Variants in RIC1 observed in about 807,000 individuals in gnomAD.
RIC1 encodes guanine nucleotide exchange factor subunit RIC1.
In RIC1, 88 loss-of-function variants were observed where a neutral mutation model predicts 169.0. The ratio of observed to expected loss-of-function variants is 0.52; its 90% CI spans 0.44 to 0.62. The LOEUF is 0.62. Among genes scored for constraint, RIC1 ranks in the 20% least tolerant of loss-of-function variants. The probability of loss-of-function intolerance (pLI) is 0.00; values close to 1 mark genes in which losing one functional copy is unlikely to be tolerated. For missense variants in RIC1, 1,877 were observed against 1,725.5 expected, an observed-to-expected ratio of 1.09 and a Z score of -1.56; for synonymous variants, 790 against 601.5, an observed-to-expected ratio of 1.31 and a Z score of -4.59.
At chr9:5,707,047 C>T (rs1822634171) in intron 3 of RIC1, among the ~76,000 whole-genome samples, 1 of 152,118 alleles carries the variant, frequency 6.6e-6, no homozygotes, top group Admixed American at 6.5e-5. Flanking sequence ...ATAAATTTCT[C>T]TCTGAGGACT....
intron 4 of RIC1, 142 bp from the exon 5 acceptor site, chr9:5,720,036 CATAG>C (rs1215803617): frequency 1.0e-5 from 6 of 571,482 alleles, no homozygotes; most frequent in South Asian, 5.6e-5. Flanking sequence ...TTGAAATATA[CATAG>C]ATAAAGTTGC....
chr9:5,634,281 C>G (rs1170977406), intron 1 of RIC1, among the ~76,000 whole-genome samples: 1 of 152,096 alleles, frequency 6.6e-6, no homozygotes, highest in African/African-American at 2.4e-5. Flanking sequence ...ATGTGGTAGT[C>G]CTGTTTTTAG....
chr9:5,681,901 A>T (rs938658523), intron 2 of RIC1, among the ~76,000 whole-genome samples: 2 of 152,054 alleles, frequency 1.3e-5, no homozygotes, highest in African/African-American at 4.8e-5. Flanking sequence ...TGATCCCTTT[A>T]CCATTATGTA....
At chr9:5,648,636 A>G (rs1389631580) in intron 1 of RIC1, among the ~76,000 whole-genome samples, 1 of 152,180 alleles carries the variant, frequency 6.6e-6, no homozygotes, top group Non-Finnish European at 1.5e-5. Context: ...TTATATTTCC[A>G]CCACAGGAGT....
At chr9:5,744,943 T>G (rs957010963) in intron 10 of RIC1, among the ~76,000 whole-genome samples, 10 of 152,202 alleles carry the variant, frequency 6.6e-5, no homozygotes, top group Admixed American at 2.0e-4. Context: ...GAAGACATTC[T>G]TCTGATCTTG....
Position 5,774,468 on chromosome 9 carries a change from A to C in RIC1, c.*222A>C. On this transcript the variant is annotated 3_prime_UTR_variant, in exon 26 of 26. Coordinates refer to ENST00000414202, the MANE Select transcript of RIC1 (RefSeq NM_020829.4). The stretch of plus-strand genomic sequence containing the variant: ...TAAAAAAATTTTAAGCTGCAGTGAA[A>C]AGTAAATATTGTACAGATGTACATG... The C allele has an allele frequency of 2.3e-6, 1 of 428,764 alleles. No individual in the cohort carries two copies. The highest frequency in any genetic ancestry group is 2.0e-5 in the African/African-American group (1 of 51,138). 26.6% of individuals were successfully genotyped at this position (428,764 alleles called of 1,614,324 possible).
intron 1 of RIC1, among the ~76,000 whole-genome samples, chr9:5,652,671 A>C (rs923060044): frequency 6.8e-6 from 1 of 147,160 alleles, no homozygotes; most frequent in Non-Finnish European, 1.5e-5. Flanking sequence ...TCTCCTTTCC[A>C]ATTAATTTGG....
At position 5,763,213 on chromosome 9, in the gene RIC1, A is replaced by G. The variant is rs1338698364; in HGVS notation, c.2186A>G (p.Gln729Arg). ...TGGACAACGTGTCGAGCAAATAAAC[A>G]GAAACGTCACCTTCTGGAGGCCCTC... ...NVWTTCRANK[Q>R]KRHLLEALWL... is the part of the protein sequence containing the mutation. Residue 729 changes from glutamine (Q) to arginine (R), a missense_variant, in exon 19 of 26, where the codon CAG (glutamine) becomes CGG (arginine). Gln to Arg is a conservative substitution (Grantham distance 43). Around this residue, in one of 3 missense-constraint regions of RIC1, gnomAD observed 1,104 missense variants for 992.0 expected, o/e 1.11. Coordinates refer to ENST00000414202, the MANE Select transcript of RIC1 (RefSeq NM_020829.4). The surrounding 1 kb of genome is among the most constrained non-coding windows in gnomAD (Gnocchi z 5.2). The G allele has an allele frequency of 6.2e-7, 1 of 1,614,122 alleles. No homozygotes were observed. Among genetic ancestry groups the G allele is most frequent in the Admixed American group, 1.7e-5 (1 of 60,016 alleles).
chr9:5,683,595 G>A (rs917899126), intron 2 of RIC1, among the ~76,000 whole-genome samples: 5 of 152,196 alleles, frequency 3.3e-5, no homozygotes, highest in Admixed American at 1.3e-4. Context: ...CAGGGGTCAG[G>A]GACCCACTTG....
intron 1 of RIC1, among the ~76,000 whole-genome samples, chr9:5,640,153 G>C (rs1818169641): frequency 6.6e-6 from 1 of 152,054 alleles, no homozygotes; most frequent in Non-Finnish European, 1.5e-5. Context: ...TTCTTTACTT[G>C]CTGTGTTCCT....
At chr9:5,728,034 G>C (rs1824110497) in intron 6 of RIC1, among the ~76,000 whole-genome samples, 1 of 152,198 alleles carries the variant, frequency 6.6e-6, no homozygotes, top group Non-Finnish European at 1.5e-5. Flanking sequence ...TCAGACCTCA[G>C]ACTCCGTGCT....
At position 5,763,559 on chromosome 9, in the gene RIC1, C is replaced by T; in HGVS notation, c.2532C>T (p.Ala844=). 6.2e-7 allele frequency: 1 copy of T among 1,614,146 alleles called. No homozygotes were observed. Among genetic ancestry groups the T allele is most frequent in the East Asian group, 2.2e-5 (1 of 44,872 alleles). The stretch of plus-strand genomic sequence containing the variant: ...TGGTCAGAAACCTTGGGGAGCAAGC[C>T]TTGCTCTTGGCCCAGTCCTGTGCCA... The part of the protein sequence containing the change: ...QLLVRNLGEQ[A]LLLAQSCATL... Residue 844 remains alanine (A), a synonymous_variant, in exon 19 of 26, where the codon GCC becomes GCT. Transcript: ENST00000414202. This position sits in a 1 kb window ranked among gnomAD's most constrained non-coding sequence, Gnocchi z 5.2.
At chr9:5,720,356 G>A in intron 5 of RIC1, 32 bp downstream of exon 5, 1 of 1,581,270 alleles carries the variant, frequency 6.3e-7, no homozygotes, top group Non-Finnish European at 8.6e-7. Flanking sequence ...GGTTGAACCA[G>A]TTGTTTAATG....
chr9:5,722,287 C>G (rs896046741), intron 6 of RIC1, among the ~76,000 whole-genome samples: 6 of 130,820 alleles, frequency 4.6e-5, no homozygotes, highest in African/African-American at 1.8e-4. Context: ...CCCCGAGGAA[C>G]TATATCACTT....
In RIC1 at chr9:5,756,231, C is replaced by A; in HGVS notation, c.1712C>A (p.Thr571Lys). Residue 571 changes from threonine (T) to lysine (K), a missense_variant, in exon 16 of 26, where the codon ACA (threonine) becomes AAA (lysine). Physicochemically the swap from Thr to Lys is moderately conservative, Grantham distance 78 (BLOSUM62 -1). This residue lies in a region of RIC1 where 1,104 missense variants were observed against 992.0 expected (regional missense o/e 1.11). Transcript: ENST00000414202. ...CTTCAGCTTAGAGTATACTTGCGAA[C>A]ATCAAATCTGGACAATGCCTTTGCT... ...RQEELRVYLRTSNLDNAFAHV... is the reference protein window; with the variant it reads ...RQEELRVYLRKSNLDNAFAHV... 1 of 1,575,094 alleles carries A rather than the reference C, an allele frequency of 6.3e-7. No individual in the cohort carries two copies. Among genetic ancestry groups the A allele is most frequent in the Non-Finnish European group, 8.6e-7 (1 of 1,157,676 alleles).
At chr9:5,692,720 C>T (rs1422882019) in intron 3 of RIC1, among the ~76,000 whole-genome samples, 1 of 151,960 alleles carries the variant, frequency 6.6e-6, no homozygotes, top group Admixed American at 6.6e-5. Context: ...TATGTGAATT[C>T]ATATTCTTAA....
chr9:5,705,897 T>C (rs1002009431), intron 3 of RIC1, among the ~76,000 whole-genome samples: 1 of 152,212 alleles, frequency 6.6e-6, no homozygotes, highest in African/African-American at 2.4e-5. Context: ...TGAATTGAAA[T>C]CATTCTGGGA....
At chr9:5,676,927 T>C (rs977773305) in intron 2 of RIC1, among the ~76,000 whole-genome samples, 19 of 152,354 alleles carry the variant, frequency 1.2e-4, no homozygotes, top group Middle Eastern at 3.4e-3. Context: ...CATTCATCTG[T>C]TGATGGACAG....
chr9:5,689,204 A>G (rs1267594962), intron 2 of RIC1, among the ~76,000 whole-genome samples: 23 of 151,404 alleles, frequency 1.5e-4, no homozygotes, highest in African/African-American at 4.6e-4. Flanking sequence ...GCCTGCCACC[A>G]CGCCCGGCTA....
Sources: allele counts gnomAD v4.1 joint callset (sites outside exome capture counted in the v4.1 genomes callset), GRCh38; gene constraint gnomAD v4.1.1; regional missense constraint gnomAD v4.1.1; non-coding constraint Gnocchi (gnomAD v3.1); transcripts MANE v1.5; gene names NCBI Gene and HGNC (gene_info 2026-07-23, HGNC 2026-07-21).